The following MAST3 variants were observed in gnomAD, a reference collection of about 807,000 sequenced individuals.
The protein encoded by MAST3 is microtubule associated serine/threonine kinase 3.
MAST3 carries 43 observed loss-of-function variants against 127.0 expected under a neutral mutation model. The observed-to-expected ratio is 0.34, with a 90% CI of 0.27 to 0.44. The LOEUF is 0.44. MAST3 is among the 20% of genes least tolerant of loss of function. The pLI is 1.00. For missense variants in MAST3, 1,390 were observed against 1,919.1 expected (o/e 0.72, Z 5.15); for synonymous variants, 785 against 809.2 (o/e 0.97, Z 0.51).
intron 1 of MAST3, among the ~76,000 whole-genome samples, chr19:18,106,155 A>G (rs1437281317): frequency 6.6e-6 from 1 of 152,072 alleles, no homozygotes; most frequent in Non-Finnish European, 1.5e-5. Flanking sequence ...TGGTATTATC[A>G]TAGTTCACTG....
At chr19:18,099,236 G>GC (rs1433179754) in intron 1 of MAST3, among the ~76,000 whole-genome samples, 1 of 151,418 alleles carries the variant, frequency 6.6e-6, no homozygotes, top group Non-Finnish European at 1.5e-5. Context: ...CACGGGCTGA[G>GC]CTGCAGATCA....
At chr19:18,121,304 G>C (rs1201566656) in intron 3 of MAST3, among the ~76,000 whole-genome samples, 1 of 152,086 alleles carries the variant, frequency 6.6e-6, no homozygotes, top group African/African-American at 2.4e-5. Flanking sequence ...CTACAGGCGT[G>C]CACCACCACA....
intron 5 of MAST3, chr19:18,122,150 G>A (rs993807562): frequency 1.0e-6 from 1 of 984,732 alleles, no homozygotes; most frequent in African/African-American, 1.7e-5. Flanking sequence ...AGCCCAGGGG[G>A]TGGGGGGTCA....
intron 27 of MAST3, among the ~76,000 whole-genome samples, chr19:18,148,797 G>T: frequency 6.6e-6 from 1 of 152,166 alleles, no homozygotes; most frequent in East Asian, 1.9e-4. Flanking sequence ...CAGTTACTTA[G>T]GGGGCCGAGG....
Position 18,144,938 on chromosome 19 carries a change from G to C in MAST3, c.2813-65G>C. The C allele has an allele frequency of 1.1e-6, 1 of 952,054 alleles. No individual in the cohort carries two copies. The highest frequency in any genetic ancestry group is 1.6e-6 in the Non-Finnish European group (1 of 609,054). 59.0% of individuals were successfully genotyped at this position (952,054 alleles called of 1,614,324 possible). ...AGTGGCCAGGGTGGTCGTTGTGGTGGGAAAGAGGGGGCCCCAGGGGAGACC... is the reference window on the plus strand; with the variant it reads ...AGTGGCCAGGGTGGTCGTTGTGGTGCGAAAGAGGGGGCCCCAGGGGAGACC... On this transcript the variant is annotated intron_variant, in intron 23 of 27. Transcript: ENST00000687212. The surrounding 1 kb of genome is among the most constrained non-coding windows in gnomAD (Gnocchi z 4.0).
chr19:18,149,415 G>A lies in MAST3; in HGVS notation c.3733G>A (p.Gly1245Arg), dbSNP rs1280899655. The change falls in exon 28 of 28, where the codon GGG becomes AGG. Residue 1245 changes from glycine (G) to arginine (R), a missense_variant. Transcript: ENST00000687212. The surrounding 1 kb of genome is among the most constrained non-coding windows in gnomAD (Gnocchi z 5.9). ...ACCCCGCTCGCCCTCGCCCCTGCCCGGGCACCCGCCCGCACCTGCCCGATC... is the reference window on the plus strand; with the variant it reads ...ACCCCGCTCGCCCTCGCCCCTGCCCAGGCACCCGCCCGCACCTGCCCGATC... Reference protein sequence around the residue: ...PPPRSPSPLPGHPPAPARSPR... With the variant: ...PPPRSPSPLPRHPPAPARSPR... 1.4e-6 allele frequency: 2 copies of A among 1,464,352 alleles called. No individual in the cohort carries two copies. Among genetic ancestry groups the A allele is most frequent in the African/African-American group, 1.5e-5 (1 of 67,242 alleles). The allele number at this position is 1,464,352 out of a possible 1,614,324, so 90.7% of individuals were successfully genotyped here.
Position 18,135,732 on chromosome 19 carries a change from C to T in MAST3, c.1871-8C>T. The T allele has an allele frequency of 6.2e-7, 1 of 1,602,770 alleles. No individual in the cohort carries two copies. The highest frequency in any genetic ancestry group is 8.5e-7 in the Non-Finnish European group (1 of 1,172,844). On this transcript the variant is annotated splice_polypyrimidine_tract_variant and splice_region_variant and intron_variant, in intron 17 of 27. Transcript: ENST00000687212. Reference sequence around the variant, plus strand: ...CCTCCCTCATTTTACCTCCCTCCCTCATTTTAGATGAGATCATGTGGCCAG... The same window carrying T: ...CCTCCCTCATTTTACCTCCCTCCCTTATTTTAGATGAGATCATGTGGCCAG...
At position 18,142,017 on chromosome 19, in the gene MAST3, T is replaced by C; in HGVS notation, c.2339+2T>C. ...CCGCCGGCTGAGTGCTGACATCCGG[T>C]AAGTGGCCTGGGGAAGTGTAGGCAG... On this transcript the variant is annotated splice_donor_variant, in intron 21 of 27. Transcript: ENST00000687212. LOFTEE classifies it high-confidence loss of function. 2 of 1,486,812 alleles carry C rather than the reference T, an allele frequency of 1.3e-6. No homozygotes were observed. Among genetic ancestry groups the C allele is most frequent in the African/African-American group, 1.4e-5 (1 of 70,770 alleles). The allele number at this position is 1,486,812 out of a possible 1,614,324, so 92.1% of individuals were successfully genotyped here. A position where few individuals can be genotyped will look rare whatever the true frequency, so the allele number is the denominator to read the frequency against.
At chr19:18,113,245 G>A (rs1480829381) in intron 3 of MAST3, among the ~76,000 whole-genome samples, 3 of 152,092 alleles carry the variant, frequency 2.0e-5, no homozygotes, top group Non-Finnish European at 2.9e-5. Context: ...CTAGGAATAA[G>A]CTCATAAACG....
intron 25 of MAST3, 107 bp from the exon 26 acceptor site, chr19:18,146,774 T>C: frequency 9.5e-7 from 1 of 1,048,012 alleles, no homozygotes. Context: ...GATGCTGGGG[T>C]GGTGGGTCCC....
chr19:18,135,714 C>A, intron 17 of MAST3, 26 bp from the exon 18 acceptor site: 1 of 1,562,456 alleles, frequency 6.4e-7, no homozygotes, highest in Non-Finnish European at 8.8e-7. Context: ...CTCCCTCCCT[C>A]ATTTTACCTC....
At chr19:18,102,186 T>A (rs2037691524) in intron 1 of MAST3, among the ~76,000 whole-genome samples, 1 of 151,762 alleles carries the variant, frequency 6.6e-6, no homozygotes, top group South Asian at 2.1e-4. Flanking sequence ...GGCCTTTTTT[T>A]TTTGAAACGG....
At chr19:18,135,651 T>C (rs2041820321) in intron 17 of MAST3, 89 bp from the exon 18 acceptor site, 1 of 1,001,114 alleles carries the variant, frequency 1.0e-6, no homozygotes, top group African/African-American at 1.6e-5. Context: ...TGGAGTACAG[T>C]GAAGTGAGGG....
intron 1 of MAST3, among the ~76,000 whole-genome samples, chr19:18,103,401 G>T (rs1021173484): frequency 3.9e-5 from 6 of 152,166 alleles, no homozygotes; most frequent in East Asian, 1.9e-4. Flanking sequence ...GCCAAGCGTG[G>T]TGGTGGGCGC....
At position 18,137,385 on chromosome 19, in the gene MAST3, G is replaced by T. The variant is rs764328032; in HGVS notation, c.2095+24G>T. The T allele has an allele frequency of 1.6e-5, 25 of 1,606,336 alleles. No homozygotes were observed. The East Asian group carries it at 1.8e-4, about 11-fold the overall frequency. ...CAGTAAGGAGGGATCCCCCTGGAGG[G>T]GGGGCGGGGGGTGCTCTGCCATCCC... On this transcript the variant is annotated intron_variant, in intron 19 of 27. Transcript: ENST00000687212.
intron 3 of MAST3, chr19:18,118,305 A>T: frequency 3.1e-6 from 3 of 952,448 alleles, no homozygotes; most frequent in Non-Finnish European, 2.5e-6. Context: ...AGCAAACAGG[A>T]GTTGCCAGAA....
At position 18,146,931 on chromosome 19, in the gene MAST3, C is replaced by T. The variant is rs2147856382; in HGVS notation, c.3213C>T (p.Ile1071=). 1 of 1,558,396 alleles carries T rather than the reference C, an allele frequency of 6.4e-7. No individual in the cohort carries two copies. The highest frequency in any genetic ancestry group is 1.9e-5 in the Admixed American group (1 of 51,658). ...CCACAGCCCTGGAGAACACCTCCAT[C>T]AAGGTGGGCCCCGCCCGGAAGAATG... ...LRTTALENTS[I]KVGPARKNVA... Residue 1071 remains isoleucine, a synonymous_variant, in exon 26 of 28, where the codon ATC becomes ATT. Coordinates refer to ENST00000687212, the MANE Select transcript of MAST3 (RefSeq NM_001393504.1).
Position 18,149,279 on chromosome 19 carries a change from G to A in MAST3, c.3597G>A (p.Leu1199=). The A allele has an allele frequency of 6.5e-7, 1 of 1,539,174 alleles. No individual in the cohort carries two copies. Among genetic ancestry groups the A allele is most frequent in the Non-Finnish European group, 8.7e-7 (1 of 1,146,050 alleles). ...AAAGHTRPSS[L]HGLAAKLGPP... is the part of the protein sequence containing the mutation. ...CTGGCCACACCCGCCCCAGCTCCCT[G>A]CACGGCCTGGCTGCCAAGCTTGGGC... is the stretch of plus-strand genomic sequence containing the variant. The change falls in exon 28 of 28, where the codon CTG becomes CTA. Residue 1199 remains leucine (L), a synonymous_variant. Coordinates refer to ENST00000687212, the MANE Select transcript of MAST3 (RefSeq NM_001393504.1). This position sits in a 1 kb window ranked among gnomAD's most constrained non-coding sequence, Gnocchi z 5.9.
chr19:18,146,769 TG>T, intron 25 of MAST3, 111 bp from the exon 26 acceptor site: 1 of 1,015,984 alleles, frequency 9.8e-7, no homozygotes, highest in Non-Finnish European at 1.4e-6. Context: ...GAATGGATGC[TG>T]GGGTGGTGGG....
Sources: allele counts gnomAD v4.1 joint callset (sites outside exome capture counted in the v4.1 genomes callset), GRCh38; gene constraint gnomAD v4.1.1; non-coding constraint Gnocchi (gnomAD v3.1); transcripts MANE v1.5; gene names NCBI Gene and HGNC (gene_info 2026-07-23, HGNC 2026-07-21).